The following TRAPPC8 variants were observed in gnomAD, a reference collection of about 807,000 sequenced individuals.
TRAPPC8 encodes the protein general sporulation gene 1 homolog.
Under a neutral mutation model 174.3 loss-of-function variants are expected in TRAPPC8, and 54 were observed. The observed-to-expected ratio is 0.31, with a 90% confidence interval of 0.25 to 0.39. TRAPPC8 has a LOEUF of 0.39. Ranked by LOEUF, TRAPPC8 falls within the 10% of genes least tolerant of loss-of-function variation. TRAPPC8 has a pLI of 1.00. For missense variants in TRAPPC8, 1,531 were observed against 1,699.1 expected, an observed-to-expected ratio of 0.90 and a Z score of 1.74; for synonymous variants, 630 against 579.9, an observed-to-expected ratio of 1.09 and a Z score of -1.24.
chr18:31,891,148 G>A (rs1003661396), intron 11 of TRAPPC8: 1 of 168,518 alleles, frequency 5.9e-6, no homozygotes, highest in African/African-American at 2.4e-5. Context: ...GTGAATAATT[G>A]CAATCCTTTC....
intron 6 of TRAPPC8, among the ~76,000 whole-genome samples, chr18:31,909,387 T>A (rs559044189): frequency 4.1e-4 from 62 of 152,178 alleles, no homozygotes; most frequent in African/African-American, 1.4e-3. Context: ...CTCAAAATCA[T>A]GTAAATTTTT....
chr18:31,925,141 T>C (rs911907634), intron 2 of TRAPPC8, among the ~76,000 whole-genome samples: 2 of 152,008 alleles, frequency 1.3e-5, no homozygotes, highest in Non-Finnish European at 2.9e-5. Flanking sequence ...AGGGTTTTAA[T>C]GCCTCAATTT....
chr18:31,917,105 T>G (rs2037181705), intron 3 of TRAPPC8, among the ~76,000 whole-genome samples: 1 of 151,322 alleles, frequency 6.6e-6, no homozygotes, highest in Non-Finnish European at 1.5e-5. Context: ...AATTTCATCC[T>G]ACCTCTTAAC....
At position 31,906,850 on chromosome 18, in the gene TRAPPC8, T is replaced by C. The variant is rs150859312; in HGVS notation, c.1389+610A>G. ...TCCTATACCATTAGGATTCGCATAT[T>C]TTACAGGTCAGAAAACTGTAGCTTA... is the stretch of plus-strand genomic sequence containing the variant. On this transcript the variant is annotated intron_variant, in intron 9 of 28. Transcript: ENST00000283351. 2.9e-3 allele frequency among the ~76,000 whole-genome samples: 435 copies of C among 152,298 alleles called. 2 individuals carry two copies. The highest frequency in any genetic ancestry group is 9.6e-3 in the African/African-American group (398 of 41,558).
At chr18:31,935,413 C>T (rs936493356) in intron 1 of TRAPPC8, among the ~76,000 whole-genome samples, 1 of 144,966 alleles carries the variant, frequency 6.9e-6, no homozygotes, top group African/African-American at 2.6e-5. Context: ...AGGCTGGAGC[C>T]GCTGCACCCA....
At chr18:31,899,227 T>A (rs1056090332) in intron 10 of TRAPPC8, among the ~76,000 whole-genome samples, 8 of 152,206 alleles carry the variant, frequency 5.3e-5, no homozygotes, top group Non-Finnish European at 1.5e-5. Flanking sequence ...TTTTACTTAT[T>A]TATGTTTGAT....
chr18:31,890,561 G>T (rs886802137), intron 12 of TRAPPC8, among the ~76,000 whole-genome samples, 174 bp downstream of exon 12: 3 of 152,112 alleles, frequency 2.0e-5, no homozygotes, highest in African/African-American at 7.2e-5. Flanking sequence ...GTTGTGAGTA[G>T]AAGATCAAAA....
chr18:31,876,060 T>C (rs1310195047), intron 12 of TRAPPC8, among the ~76,000 whole-genome samples: 1 of 152,226 alleles, frequency 6.6e-6, no homozygotes, highest in Admixed American at 6.5e-5. Context: ...TTTGAATGGT[T>C]CTAAGGTGAT....
chr18:31,883,981 G>A (rs2035583132), intron 12 of TRAPPC8, among the ~76,000 whole-genome samples: 1 of 152,162 alleles, frequency 6.6e-6, no homozygotes, highest in African/African-American at 2.4e-5. Context: ...CTGAGGTCAG[G>A]AGTTCAAGAC....
At chr18:31,837,985 AGAG>A (rs1259354741) in intron 27 of TRAPPC8, among the ~76,000 whole-genome samples, 1 of 146,982 alleles carries the variant, frequency 6.8e-6, no homozygotes, top group Non-Finnish European at 1.5e-5. Context: ...AAAAAAAAAA[AGAG>A]AGACAGGGTC....
intron 12 of TRAPPC8, among the ~76,000 whole-genome samples, chr18:31,877,569 C>G (rs1419678948): frequency 7.1e-6 from 1 of 140,414 alleles, no homozygotes; most frequent in Non-Finnish European, 1.5e-5. Flanking sequence ...GCCAAGATCG[C>G]GCCACTGCAT....
chr18:31,912,625 C>A (rs1371706759), intron 5 of TRAPPC8, among the ~76,000 whole-genome samples: 2 of 151,844 alleles, frequency 1.3e-5, no homozygotes, highest in Non-Finnish European at 2.9e-5. Flanking sequence ...TGTGCCACTG[C>A]ACTCCAGCCT....
At chr18:31,874,394 A>C in intron 13 of TRAPPC8, 86 bp downstream of exon 13, 2 of 1,346,938 alleles carry the variant, frequency 1.5e-6, no homozygotes, top group Non-Finnish European at 2.1e-6. Flanking sequence ...TTCTAATAAA[A>C]CTATCGTAAG....
chr18:31,878,723 A>AAG (rs1216770777), intron 12 of TRAPPC8, among the ~76,000 whole-genome samples: 1 of 152,202 alleles, frequency 6.6e-6, no homozygotes, highest in African/African-American at 2.4e-5. Context: ...TGCTATCTAC[A>AAG]AGAGACCTAT....
chr18:31,906,610 T>C (rs1399016064), intron 9 of TRAPPC8, among the ~76,000 whole-genome samples: 1 of 152,192 alleles, frequency 6.6e-6, no homozygotes, highest in East Asian at 1.9e-4. Context: ...AAAGTAACAG[T>C]GCTAATTTTA....
At chr18:31,901,151 A>G in intron 9 of TRAPPC8, 126 bp from the exon 10 acceptor site, 1 of 715,072 alleles carries the variant, frequency 1.4e-6, no homozygotes, top group South Asian at 2.0e-5. Context: ...TATAAACTTC[A>G]TAGCCTAATG....
chr18:31,857,311 G>C (rs192943855), intron 20 of TRAPPC8, among the ~76,000 whole-genome samples: 1 of 152,168 alleles, frequency 6.6e-6, no homozygotes, highest in East Asian at 1.9e-4. Flanking sequence ...CAATTGAGAA[G>C]TTTACAGACA....
chr18:31,913,587 C>T (rs2037008617), intron 4 of TRAPPC8, 65 bp from the exon 5 acceptor site: 5 of 1,234,388 alleles, frequency 4.1e-6, no homozygotes, highest in Non-Finnish European at 5.4e-6. Flanking sequence ...ATAATAGAGA[C>T]TAAAGTAGTA....
chr18:31,919,144 A>G (rs917767703), intron 2 of TRAPPC8, among the ~76,000 whole-genome samples: 1 of 152,200 alleles, frequency 6.6e-6, no homozygotes, highest in Non-Finnish European at 1.5e-5. Flanking sequence ...TATATTACAT[A>G]TAGTCTGATT....
Sources: allele counts gnomAD v4.1 joint callset (sites outside exome capture counted in the v4.1 genomes callset), GRCh38; gene constraint gnomAD v4.1.1; transcripts MANE v1.5; gene names NCBI Gene and HGNC (gene_info 2026-07-23, HGNC 2026-07-21).